Variants in PCDHGA1 observed in about 807,000 individuals in gnomAD.
The protein encoded by PCDHGA1 is protocadherin gamma-A1.
A neutral mutation model predicts 58.0 loss-of-function variants in PCDHGA1; 32 were observed. The ratio of observed to expected loss-of-function variants is 0.55; its 90% CI spans 0.42 to 0.74. PCDHGA1 has a LOEUF of 0.74. Among genes scored for constraint, PCDHGA1 ranks in the 30% least tolerant of loss-of-function variants. The probability of loss-of-function intolerance (pLI) is 0.00; values close to 1 mark genes in which losing one functional copy is unlikely to be tolerated. For missense variants in PCDHGA1, 1,205 were observed against 1,182.3 expected, an observed-to-expected ratio of 1.02 and a Z score of -0.28; for synonymous variants, 498 against 501.1, an observed-to-expected ratio of 0.99 and a Z score of 0.08.
At chr5:141,443,499 A>T (rs533910381) in intron 1 of PCDHGA1, among the ~76,000 whole-genome samples, 1 of 152,268 alleles carries the variant, frequency 6.6e-6, no homozygotes, top group African/African-American at 2.4e-5. Context: ...ACAAACAAAC[A>T]AATAAAGAGC....
In PCDHGA1 at chr5:141,345,667, A is replaced by AG. The variant is rs1561490536; in HGVS notation, c.2421+12562_2421+12563insG. 5 of 1,614,210 alleles carry AG rather than the reference A, an allele frequency of 3.1e-6. No homozygotes were observed. In the South Asian group the frequency reaches 5.5e-5, roughly 18 times the overall value. The stretch of plus-strand genomic sequence containing the variant: ...AGCGGGAACCCTCCACTCAGCAGCA[A>AG]CGTGTCGCTGAACCTGTTCGTGCTG... On this transcript the variant is annotated intron_variant, in intron 1 of 3. Coordinates refer to ENST00000517417, the MANE Select transcript of PCDHGA1 (RefSeq NM_018912.3).
chr5:141,348,888 G>T (rs1758199041), intron 1 of PCDHGA1, among the ~76,000 whole-genome samples: 1 of 152,128 alleles, frequency 6.6e-6, no homozygotes, highest in Admixed American at 6.5e-5. Flanking sequence ...GATCTCATTT[G>T]GTAATGCATT....
At chr5:141,355,142 C>A in intron 1 of PCDHGA1, 2 of 1,526,256 alleles carry the variant, frequency 1.3e-6, no homozygotes, top group Middle Eastern at 2.5e-4. Context: ...GATCCTGGGG[C>A]TCCTCAGGCC....
At chr5:141,423,008 C>A in intron 1 of PCDHGA1, 13 of 1,614,214 alleles carry the variant, frequency 8.1e-6, no homozygotes, top group Non-Finnish European at 1.1e-5. Flanking sequence ...AAGGTGGTTG[C>A]GGTGGACAAA....
intron 1 of PCDHGA1, chr5:141,350,961 A>G: frequency 6.2e-7 from 1 of 1,614,080 alleles, no homozygotes; most frequent in Non-Finnish European, 8.5e-7. Context: ...GATGCCAATG[A>G]TAATGCTCCC....
intron 1 of PCDHGA1, among the ~76,000 whole-genome samples, chr5:141,446,610 G>A (rs1167777615): frequency 6.6e-6 from 1 of 152,098 alleles, no homozygotes; most frequent in Non-Finnish European, 1.5e-5. Flanking sequence ...CTGAGTAGCT[G>A]GGACTACAGG....
rs773389466 is a variant in PCDHGA1, at chr5:141,388,420, C to T, written c.2421+55315C>T. The T allele has an allele frequency of 3.1e-6, 5 of 1,613,778 alleles. No homozygotes were observed. The South Asian group carries it at 4.4e-5, about 14-fold the overall frequency. ...CAACTCAGTCCCAGTGATCATTTCT[C>T]ACTGATAAATAAAGAGAAATCAGAT... On this transcript the variant is annotated intron_variant, in intron 1 of 3. Coordinates refer to ENST00000517417, the MANE Select transcript of PCDHGA1 (RefSeq NM_018912.3).
chr5:141,504,224 C>T (rs2099836716), intron 2 of PCDHGA1, among the ~76,000 whole-genome samples: 2 of 152,160 alleles, frequency 1.3e-5, no homozygotes, highest in African/African-American at 4.8e-5. Flanking sequence ...TAGAGCTGAA[C>T]CTTCTAAGAA....
chr5:141,379,992 T>G (rs1776127891), intron 1 of PCDHGA1, among the ~76,000 whole-genome samples: 1 of 144,024 alleles, frequency 6.9e-6, no homozygotes, highest in South Asian at 2.4e-4. Flanking sequence ...TTCCTCCTCC[T>G]GGGTTCAAGC....
chr5:141,500,520 T>TA (rs2099801149), intron 2 of PCDHGA1, among the ~76,000 whole-genome samples: 2 of 152,312 alleles, frequency 1.3e-5, no homozygotes, highest in Admixed American at 1.3e-4. Flanking sequence ...AGCTTCATTT[T>TA]AAAAAAATCT....
Position 141,487,830 on chromosome 5 carries a change from T to C in PCDHGA1, c.2422-6977T>C, listed in dbSNP as rs1410090651. On this transcript the variant is annotated intron_variant, in intron 1 of 3. Transcript: ENST00000517417. This position sits in a 1 kb window ranked among gnomAD's most constrained non-coding sequence, Gnocchi z 5.0. ...TTTAGCATTGGGGGCGGGTCATGCC[T>C]ATATCTGAGTAAGAAATGAAAGTAA... The C allele has an allele frequency of 3.5e-6, 4 of 1,139,942 alleles. No homozygotes were observed. The highest frequency in any genetic ancestry group is 1.6e-5 in the African/African-American group (1 of 63,734). The allele number at this position is 1,139,942 out of a possible 1,614,324, so 70.6% of individuals were successfully genotyped here.
Position 141,332,927 on chromosome 5 carries a change from C to A in PCDHGA1, c.2243C>A (p.Ala748Asp). Residue 748 changes from alanine (A) to aspartate (D), a missense_variant, in exon 1 of 4, where the codon GCT (alanine) becomes GAT (aspartate). By Grantham distance (126) the Ala-to-Asp change is moderately radical (BLOSUM62 -2). Coordinates refer to ENST00000517417, the MANE Select transcript of PCDHGA1 (RefSeq NM_018912.3). The surrounding 1 kb of genome is among the most constrained non-coding windows in gnomAD (Gnocchi z 4.6). ...TTTGTGGGCGTGGACGGGGTTCGGGCTTTCCTGCAGACCTATTCCCACGAG... is the reference window on the plus strand; with the variant it reads ...TTTGTGGGCGTGGACGGGGTTCGGGATTTCCTGCAGACCTATTCCCACGAG... ...SHFVGVDGVR[A>D]FLQTYSHEVS... The A allele has an allele frequency of 6.2e-7, 1 of 1,614,194 alleles. No individual in the cohort carries two copies. Among genetic ancestry groups the A allele is most frequent in the Non-Finnish European group, 8.5e-7 (1 of 1,180,018 alleles).
chr5:141,413,391 C>T lies in PCDHGA1; in HGVS notation c.2421+80286C>T, dbSNP rs375582894. ...CGGAGCGCGGAGTCCGCATAGTCTC[C>T]AGAGGTAGGACGCAGCTTTTCTCTC... On this transcript the variant is annotated intron_variant, in intron 1 of 3. Transcript: ENST00000517417. The T allele has an allele frequency of 1.2e-5, 19 of 1,613,902 alleles. No homozygotes were observed. In the African/African-American group the frequency reaches 2.4e-4, roughly 20 times the overall value.
chr5:141,399,259 G>A, intron 1 of PCDHGA1: 1 of 1,613,874 alleles, frequency 6.2e-7, no homozygotes, highest in Non-Finnish European at 8.5e-7. Context: ...AAATGGGGAG[G>A]TTAATTGTCA....
intron 1 of PCDHGA1, chr5:141,366,651 A>C (rs767855798): frequency 3.1e-6 from 5 of 1,614,244 alleles, no homozygotes; most frequent in Non-Finnish European, 3.4e-6. Context: ...CCCCAGCCCA[A>C]CTACGCAGAC....
intron 1 of PCDHGA1, among the ~76,000 whole-genome samples, chr5:141,397,265 A>G (rs2093498946): frequency 6.6e-6 from 1 of 152,210 alleles, no homozygotes; most frequent in Non-Finnish European, 1.5e-5. Context: ...TTTCTTAGCT[A>G]CATCATATGG....
At chr5:141,354,747 G>A (rs1295935407) in intron 1 of PCDHGA1, among the ~76,000 whole-genome samples, 1 of 152,038 alleles carries the variant, frequency 6.6e-6, no homozygotes, top group Non-Finnish European at 1.5e-5. Context: ...ACTGAAAAGA[G>A]GAAGAACACA....
chr5:141,403,049 T>A, intron 1 of PCDHGA1: 1 of 1,614,056 alleles, frequency 6.2e-7, no homozygotes, highest in Non-Finnish European at 8.5e-7. Context: ...TCAGATTCGC[T>A]ACTCAGTGCC....
chr5:141,417,830 G>C (rs2096166388), intron 1 of PCDHGA1: 1 of 1,527,028 alleles, frequency 6.5e-7, no homozygotes, highest in African/African-American at 1.4e-5. Flanking sequence ...AACTGGAAAA[G>C]CGGGGACCCA....
Sources: gnomAD v4.1 joint callset for allele counts (sites outside exome capture counted in the v4.1 genomes callset) on GRCh38, gnomAD v4.1.1 for gene constraint, Gnocchi (gnomAD v3.1) non-coding constraint, MANE v1.5 for transcripts, NCBI Gene and HGNC (gene_info 2026-07-23, HGNC 2026-07-21) for gene names.